DMD: variants seen among roughly 807,000 people sequenced by gnomAD.
DMD encodes mutant dystrophin.
In DMD, 63 loss-of-function variants were observed where a neutral mutation model predicts 330.1. The ratio of observed to expected loss-of-function variants is 0.19; its 90% CI spans 0.16 to 0.24. DMD has a LOEUF of 0.24. DMD is among the 10% of genes least tolerant of loss of function. The pLI, the probability that DMD is intolerant of heterozygous loss-of-function variation, is 1.00. For missense variants in DMD, 3,344 were observed against 2,684.1 expected, an observed-to-expected ratio of 1.25 and a Z score of -5.43; for synonymous variants, 1,223 against 959.8, an observed-to-expected ratio of 1.27 and a Z score of -5.07.
chrX:32,135,824 C>T (rs972818315), intron 44 of DMD, among the ~76,000 whole-genome samples: 2 of 112,407 alleles, frequency 1.8e-5, no homozygotes, highest in South Asian at 7.3e-4. Flanking sequence ...TTATTTAATG[C>T]TAATGGTATC....
intron 52 of DMD, among the ~76,000 whole-genome samples, chrX:31,683,119 A>T (rs1474339132): frequency 9.0e-6 from 1 of 111,643 alleles, no homozygotes; most frequent in East Asian, 2.8e-4. Context: ...ATGCTTTTTC[A>T]CCCTTGACCT....
chrX:31,137,639 G>C (rs1003769117), intron 76 of DMD, among the ~76,000 whole-genome samples: 8 of 110,082 alleles, frequency 7.3e-5, no homozygotes, highest in African/African-American at 2.6e-4. Flanking sequence ...ATTGTTCACT[G>C]AAGATATAGC....
intron 11 of DMD, among the ~76,000 whole-genome samples, chrX:32,627,737 A>C (rs1262714298): frequency 9.0e-6 from 1 of 111,352 alleles, no homozygotes; most frequent in East Asian, 2.8e-4. Context: ...AATATTAAAA[A>C]AATAGAAAAC....
intron 1 of DMD, among the ~76,000 whole-genome samples, chrX:33,055,668 G>A (rs2094508539): frequency 1.8e-5 from 2 of 111,330 alleles, no homozygotes; most frequent in South Asian, 7.5e-4. Context: ...AGGACTTGCG[G>A]GCTACTATTA....
chrX:32,027,878 C>T (rs992804889), intron 44 of DMD, among the ~76,000 whole-genome samples: 2 of 112,506 alleles, frequency 1.8e-5, no homozygotes, highest in Non-Finnish European at 3.8e-5. Context: ...TTACTGAGCA[C>T]CTGCTATGCG....
intron 44 of DMD, among the ~76,000 whole-genome samples, chrX:32,156,336 C>G (rs1441389410): frequency 8.9e-6 from 1 of 112,191 alleles, no homozygotes; most frequent in African/African-American, 3.2e-5. Context: ...GCCGAGATTG[C>G]ACCACTGCAC....
chrX:32,588,214 G>T (rs808556), intron 13 of DMD, among the ~76,000 whole-genome samples: 23,188 of 111,362 alleles, frequency 0.21, 1,879 homozygotes, highest in East Asian at 0.45. Flanking sequence ...TCTAATAAAA[G>T]AGTAAAGCAC....
At chrX:31,684,487 G>C (rs1476115870) in intron 52 of DMD, among the ~76,000 whole-genome samples, 1 of 111,556 alleles carries the variant, frequency 9.0e-6, no homozygotes, top group Non-Finnish European at 1.9e-5. Flanking sequence ...CTCTGTGGAT[G>C]GTGTGTACTT....
chrX:31,861,444 T>C (rs904329918), intron 48 of DMD, among the ~76,000 whole-genome samples: 2 of 110,028 alleles, frequency 1.8e-5, no homozygotes, highest in Non-Finnish European at 1.9e-5. Context: ...ATAGATATAT[T>C]TGCAACGTGT....
At chrX:31,273,267 A>G (rs1049310723) in intron 62 of DMD, among the ~76,000 whole-genome samples, 4 of 112,252 alleles carry the variant, frequency 3.6e-5, no homozygotes, top group East Asian at 2.8e-4. Flanking sequence ...AAAAAACAGC[A>G]GCTTTGTCTT....
chrX:31,250,022 G>A (rs1423142040), intron 63 of DMD, among the ~76,000 whole-genome samples: 1 of 109,564 alleles, frequency 9.1e-6, no homozygotes, highest in Non-Finnish European at 1.9e-5. Flanking sequence ...CAGAGAACTG[G>A]TGACAGAATC....
chrX:32,188,360 C>T (rs1391340526), intron 44 of DMD, among the ~76,000 whole-genome samples: 2 of 106,553 alleles, frequency 1.9e-5, no homozygotes, highest in African/African-American at 3.4e-5. Flanking sequence ...TCCTGACTTA[C>T]CAAAAATCTG....
intron 2 of DMD, among the ~76,000 whole-genome samples, chrX:32,863,064 A>G (rs965700719): frequency 5.4e-5 from 6 of 110,793 alleles, no homozygotes; most frequent in Non-Finnish European, 1.1e-4. Context: ...TTTGATTCAC[A>G]TAGATACATG....
intron 51 of DMD, among the ~76,000 whole-genome samples, chrX:31,737,531 T>C (rs2086962826): frequency 9.0e-6 from 1 of 110,963 alleles, no homozygotes. Context: ...GGGCTGTGAG[T>C]AAAGGAACCT....
At chrX:32,958,592 T>C (rs2091728143) in intron 2 of DMD, among the ~76,000 whole-genome samples, 1 of 111,724 alleles carries the variant, frequency 9.0e-6, no homozygotes, top group Non-Finnish European at 1.9e-5. Flanking sequence ...TTATCTCAAG[T>C]AATCTCAAGT....
chrX:32,827,427 C>G lies in DMD; in HGVS notation c.265-4040G>C, dbSNP rs767766817. Among the ~76,000 whole-genome samples, 308 of 110,954 alleles carry G rather than the reference C, an allele frequency of 2.8e-3. 1 individual carries two copies. The highest frequency in any genetic ancestry group is 9.4e-3 in the African/African-American group (287 of 30,525). On this transcript the variant is annotated intron_variant, in intron 4 of 78. Coordinates refer to ENST00000357033, the MANE Select transcript of DMD (RefSeq NM_004006.3). Reference sequence around the variant, plus strand: ...AATTGTATTCAGTGGCAGACAGCTACTCTTTTTTAACTTTTATATTAGGTT... The same window carrying G: ...AATTGTATTCAGTGGCAGACAGCTAGTCTTTTTTAACTTTTATATTAGGTT...
Position 33,056,383 on chromosome X carries a change from G to A in DMD, c.32-36183C>T, listed in dbSNP as rs193205542. 2.0e-3 allele frequency among the ~76,000 whole-genome samples: 215 copies of A among 105,649 alleles called. 1 individual carries two copies. The highest frequency in any genetic ancestry group is 3.7e-3 in the Non-Finnish European group (191 of 51,588). 91.7% of individuals were successfully genotyped at this position (105,649 alleles called of 115,157 possible). A position where few individuals can be genotyped will look rare whatever the true frequency, so the allele number is the denominator to read the frequency against. ...TTCTTTTTTCTTTTCTTTTCGAGAC[G>A]GAGTTTTGCTCTCTTTGCCCAGGCT... On this transcript the variant is annotated intron_variant, in intron 1 of 78. Transcript: ENST00000357033.
At chrX:31,962,366 G>A (rs1043907944) in intron 45 of DMD, among the ~76,000 whole-genome samples, 3 of 111,726 alleles carry the variant, frequency 2.7e-5, no homozygotes, top group Non-Finnish European at 5.6e-5. Flanking sequence ...TGCAAACTGA[G>A]GACAAAGCTT....
chrX:31,989,224 T>C (rs1382082687), intron 44 of DMD, among the ~76,000 whole-genome samples: 1 of 111,576 alleles, frequency 9.0e-6, no homozygotes. Context: ...AACAGCCTCA[T>C]AAACACACCC....
Sources: gnomAD v4.1 joint callset for allele counts (sites outside exome capture counted in the v4.1 genomes callset) on GRCh38, gnomAD v4.1.1 for gene constraint, MANE v1.5 for transcripts, NCBI Gene and HGNC (gene_info 2026-07-23, HGNC 2026-07-21) for gene names.